The following NTRK2 variants were observed in gnomAD, a reference collection of about 807,000 sequenced individuals.
The protein encoded by NTRK2 is neurotrophic receptor tyrosine kinase 2.
In NTRK2, 13 loss-of-function variants were observed where a neutral mutation model predicts 94.5. The ratio of observed to expected loss-of-function variants is 0.14; its 90% CI spans 0.09 to 0.22. The LOEUF (loss-of-function observed/expected upper bound fraction) is 0.22, where lower values mean the gene tolerates loss of function less well. Ranked by LOEUF, NTRK2 falls within the 10% of genes least tolerant of loss-of-function variation. The probability of loss-of-function intolerance (pLI) is 1.00; values close to 1 mark genes in which losing one functional copy is unlikely to be tolerated. For synonymous variants in NTRK2, 372 were observed against 407.4 expected (o/e 0.91, Z 1.05); for missense variants, 639 against 1,071.2 (o/e 0.60, Z 5.63).
chr9:84,903,553 CT>C (rs1170532273), intron 14 of NTRK2, among the ~76,000 whole-genome samples: 1 of 152,114 alleles, frequency 6.6e-6, no homozygotes, highest in Non-Finnish European at 1.5e-5. Flanking sequence ...GCATCATGTT[CT>C]TTTCAATAGG....
intron 14 of NTRK2, among the ~76,000 whole-genome samples, chr9:84,903,198 C>T (rs2076982810): frequency 6.6e-6 from 1 of 152,300 alleles, no homozygotes; most frequent in African/African-American, 2.4e-5. Flanking sequence ...TCCATCACTG[C>T]AGAAAGGTCT....
rs2076128589 is a variant in NTRK2, at chr9:84,877,884, C to T, written c.1633+10453C>T. On this transcript the variant is annotated intron_variant, in intron 14 of 18. Transcript: ENST00000277120. Reference sequence around the variant, plus strand: ...AGCCAAACGCATATACCAATAAAGACAAGACTGTCATATATGTGGTCTCTG... The same window carrying T: ...AGCCAAACGCATATACCAATAAAGATAAGACTGTCATATATGTGGTCTCTG... The T allele has an allele frequency of 3.9e-6, 4 of 1,026,558 alleles. No individual in the cohort carries two copies. The Admixed American group carries it at 1.7e-4, about 44-fold the overall frequency. 63.6% of individuals were successfully genotyped at this position (1,026,558 alleles called of 1,614,324 possible).
chr9:84,717,997 CCTT>C (rs2061811677), intron 6 of NTRK2, among the ~76,000 whole-genome samples: 1 of 151,890 alleles, frequency 6.6e-6, no homozygotes, highest in African/African-American at 2.4e-5. Flanking sequence ...GCCTCCTTCT[CCTT>C]CTCCTTCTCC....
chr9:84,896,881 C>T (rs531696236), intron 14 of NTRK2, among the ~76,000 whole-genome samples: 16 of 152,216 alleles, frequency 1.1e-4, no homozygotes, highest in East Asian at 3.9e-4. Context: ...TGGGGAAGCC[C>T]GTGGCAGTAG....
At chr9:84,767,825 A>G (rs999135115) in intron 12 of NTRK2, among the ~76,000 whole-genome samples, 6 of 152,150 alleles carry the variant, frequency 3.9e-5, no homozygotes, top group African/African-American at 1.4e-4. Context: ...ATTCTTCATT[A>G]CTGTCATATA....
chr9:84,818,787 C>T (rs2072592568), intron 12 of NTRK2, among the ~76,000 whole-genome samples: 1 of 152,142 alleles, frequency 6.6e-6, no homozygotes, highest in Non-Finnish European at 1.5e-5. Flanking sequence ...GTGGAAAGGG[C>T]CTGGTGGGAA....
At chr9:84,885,292 GACCA>G (rs1295179366) in intron 14 of NTRK2, among the ~76,000 whole-genome samples, 4 of 152,130 alleles carry the variant, frequency 2.6e-5, no homozygotes, top group Admixed American at 1.3e-4. Context: ...AGATTCAAAT[GACCA>G]ACCACTAAAA....
chr9:84,772,746 AGAGT>A (rs775549698), intron 12 of NTRK2, among the ~76,000 whole-genome samples: 52 of 152,302 alleles, frequency 3.4e-4, no homozygotes, highest in East Asian at 2.7e-3. Context: ...GGGGTCTGAA[AGAGT>A]GAGTAAGAGA....
At position 84,683,683 on chromosome 9, in the gene NTRK2, A is replaced by AAT. The variant is rs1237883282; in HGVS notation, c.212+12725_212+12726dup. On this transcript the variant is annotated intron_variant, in intron 2 of 18. Transcript: ENST00000277120. ...CATGTGTCTTTATAGTAGAATGATT[A>AAT]ATAATCTTTGGGTATATACCCTTTA... Among the ~76,000 whole-genome samples the AAT allele has an allele frequency of 5.3e-5, 8 of 152,114 alleles. No individual in the cohort carries two copies. In the East Asian group the frequency reaches 1.5e-3, roughly 29 times the overall value.
intron 14 of NTRK2, among the ~76,000 whole-genome samples, chr9:84,902,790 G>A (rs538197041): frequency 2.0e-5 from 3 of 152,208 alleles, no homozygotes; most frequent in Non-Finnish European, 4.4e-5. Context: ...GAGAGCGCTG[G>A]TTCAAAACTC....
intron 12 of NTRK2, chr9:84,814,539 G>A (rs201043518): frequency 3.8e-6 from 4 of 1,065,554 alleles, no homozygotes; most frequent in South Asian, 4.6e-5. Context: ...GAACACACAC[G>A]ACTTTTTATT....
At chr9:84,856,426 A>G (rs937603687) in intron 12 of NTRK2, among the ~76,000 whole-genome samples, 7 of 152,166 alleles carry the variant, frequency 4.6e-5, no homozygotes, top group African/African-American at 1.7e-4. Context: ...ACTCACCCCG[A>G]TTATGTGCCA....
At chr9:84,746,043 C>G (rs2064037604) in intron 11 of NTRK2, among the ~76,000 whole-genome samples, 1 of 152,084 alleles carries the variant, frequency 6.6e-6, no homozygotes, top group South Asian at 2.1e-4. Flanking sequence ...CTGTCCATAT[C>G]TCCTTACCTC....
At chr9:84,926,710 C>CTATTTTTACATGTTCGTGT (rs2077834372) in intron 14 of NTRK2, among the ~76,000 whole-genome samples, 1 of 152,134 alleles carries the variant, frequency 6.6e-6, no homozygotes, top group South Asian at 2.1e-4. Context: ...AATTACTCAT[C>CTATTTTTACATGTTCGTGT]TATTTTTACA....
chr9:85,016,498 C>T (rs938950416), intron 17 of NTRK2, among the ~76,000 whole-genome samples: 1 of 152,184 alleles, frequency 6.6e-6, no homozygotes, highest in African/African-American at 2.4e-5. Context: ...CACATTCCAT[C>T]TCACAAATAT....
intron 2 of NTRK2, among the ~76,000 whole-genome samples, chr9:84,701,639 G>C (rs1422917445): frequency 6.6e-6 from 1 of 152,196 alleles, no homozygotes; most frequent in East Asian, 1.9e-4. Context: ...AAGGCAGAAG[G>C]AGGAGATGCT....
chr9:85,001,739 TG>T (rs1443894717), intron 17 of NTRK2, among the ~76,000 whole-genome samples: 1 of 152,242 alleles, frequency 6.6e-6, no homozygotes, highest in East Asian at 1.9e-4. Context: ...TCTAAGGTAG[TG>T]GGCCATTATA....
intron 12 of NTRK2, among the ~76,000 whole-genome samples, chr9:84,805,891 T>A (rs1354789002): frequency 6.6e-6 from 1 of 152,220 alleles, no homozygotes; most frequent in Admixed American, 6.5e-5. Flanking sequence ...GCCTTTGAAC[T>A]CTGCAAAGAT....
At chr9:84,995,239 G>T (rs1237679766) in intron 17 of NTRK2, among the ~76,000 whole-genome samples, 1 of 152,018 alleles carries the variant, frequency 6.6e-6, no homozygotes, top group Non-Finnish European at 1.5e-5. Context: ...TTCAGAAGGT[G>T]TCACACTGTA....
Sources: gnomAD v4.1 joint callset for allele counts (sites outside exome capture counted in the v4.1 genomes callset) on GRCh38, gnomAD v4.1.1 for gene constraint, MANE v1.5 for transcripts, NCBI Gene and HGNC (gene_info 2026-07-23, HGNC 2026-07-21) for gene names.